The following CNTNAP2 variants were observed in gnomAD, a reference collection of about 807,000 sequenced individuals.
CNTNAP2 encodes the protein contactin-associated protein-like 2.
CNTNAP2 carries 98 observed loss-of-function variants against 155.2 expected under a neutral mutation model. That is an observed-to-expected ratio of 0.63 (90% CI 0.54 to 0.75). The LOEUF (loss-of-function observed/expected upper bound fraction) is 0.75, where lower values mean the gene tolerates loss of function less well. Among genes scored for constraint, CNTNAP2 ranks in the 30% least tolerant of loss-of-function variants. CNTNAP2 has a pLI of 0.00. For missense variants in CNTNAP2, 1,727 were observed against 1,688.1 expected, an observed-to-expected ratio of 1.02 and a Z score of -0.40; for synonymous variants, 651 against 631.2, an observed-to-expected ratio of 1.03 and a Z score of -0.47.
intron 12 of CNTNAP2, among the ~76,000 whole-genome samples, chr7:147,615,277 C>CAA (rs58247626): frequency 0.026 from 724 of 28,048 alleles, 72 homozygotes; most frequent in East Asian, 0.052. Context: ...GACCCTGTCT[C>CAA]AAAAAAAAAA....
intron 18 of CNTNAP2, among the ~76,000 whole-genome samples, chr7:148,187,109 T>TAC (rs142565546): frequency 0.048 from 2,362 of 49,290 alleles, 28 homozygotes; most frequent in South Asian, 0.12. Flanking sequence ...CAAGGAAACA[T>TAC]ACACACACAC....
intron 1 of CNTNAP2, among the ~76,000 whole-genome samples, chr7:146,254,802 G>A (rs1005151634): frequency 1.1e-4 from 16 of 152,062 alleles, no homozygotes; most frequent in African/African-American, 3.6e-4. Context: ...CTGAGTTTCA[G>A]TGATTTGTCT....
intron 1 of CNTNAP2, among the ~76,000 whole-genome samples, chr7:146,479,599 C>T (rs1428321951): frequency 1.3e-5 from 2 of 151,498 alleles, no homozygotes; most frequent in Non-Finnish European, 2.9e-5. Flanking sequence ...ATACAGTGAA[C>T]AATTAATTTA....
At chr7:147,711,371 A>G (rs1796398151) in intron 13 of CNTNAP2, among the ~76,000 whole-genome samples, 2 of 152,224 alleles carry the variant, frequency 1.3e-5, no homozygotes, top group South Asian at 4.1e-4. Context: ...ATACATGAGT[A>G]CAGATGGTTA....
intron 21 of CNTNAP2, among the ~76,000 whole-genome samples, chr7:148,353,255 G>A (rs1798459002): frequency 6.6e-6 from 1 of 152,182 alleles, no homozygotes; most frequent in Admixed American, 6.5e-5. Context: ...GGAGATAGAA[G>A]GAAACAAAAG....
intron 1 of CNTNAP2, among the ~76,000 whole-genome samples, chr7:146,140,730 C>T (rs1797864690): frequency 6.6e-6 from 1 of 152,064 alleles, no homozygotes. Flanking sequence ...CTCTACATCA[C>T]AAACAACCAT....
intron 1 of CNTNAP2, among the ~76,000 whole-genome samples, chr7:146,612,759 C>T (rs1799159453): frequency 1.3e-5 from 2 of 152,070 alleles, no homozygotes; most frequent in Admixed American, 1.3e-4. Context: ...GAGAAAAATA[C>T]TTAGGTATGT....
At chr7:147,091,839 C>T (rs1289276755) in intron 4 of CNTNAP2, among the ~76,000 whole-genome samples, 1 of 152,132 alleles carries the variant, frequency 6.6e-6, no homozygotes, top group East Asian at 1.9e-4. Context: ...ATCTCCTGAC[C>T]TCGTGATCCA....
chr7:146,747,218 C>T (rs1408523301), intron 1 of CNTNAP2, among the ~76,000 whole-genome samples: 1 of 152,150 alleles, frequency 6.6e-6, no homozygotes, highest in African/African-American at 2.4e-5. Flanking sequence ...TTTTCACATA[C>T]ATTATCTGAC....
At position 147,937,721 on chromosome 7, in the gene CNTNAP2, G is replaced by A. The variant is rs541094780; in HGVS notation, c.2255+34000G>A. Among the ~76,000 whole-genome samples the A allele has an allele frequency of 2.0e-5, 3 of 152,122 alleles. No individual in the cohort carries two copies. In the South Asian group the frequency reaches 6.2e-4, roughly 32 times the overall value. ...TCCTGCGTGTCACTCACAATTCCCT[G>A]GATGATACTAAAAAGCAATCTTTCT... On this transcript the variant is annotated intron_variant, in intron 14 of 23. Transcript: ENST00000361727.
At chr7:146,815,626 T>C (rs1024984466) in intron 2 of CNTNAP2, among the ~76,000 whole-genome samples, 7 of 152,210 alleles carry the variant, frequency 4.6e-5, no homozygotes, top group South Asian at 2.1e-4. Flanking sequence ...AGGAAACTTA[T>C]TGTATTCACA....
At chr7:146,892,608 G>A (rs1254631845) in intron 3 of CNTNAP2, among the ~76,000 whole-genome samples, 1 of 152,086 alleles carries the variant, frequency 6.6e-6, no homozygotes, top group Non-Finnish European at 1.5e-5. Flanking sequence ...TTGCCCTACA[G>A]GAAGCCAAGA....
intron 8 of CNTNAP2, among the ~76,000 whole-genome samples, chr7:147,260,044 T>C (rs1437340017): frequency 6.6e-6 from 1 of 152,186 alleles, no homozygotes; most frequent in Non-Finnish European, 1.5e-5. Flanking sequence ...CAAATGGTTT[T>C]GGAAAGTAAA....
chr7:146,348,292 G>A (rs190961637), intron 1 of CNTNAP2, among the ~76,000 whole-genome samples: 114 of 152,182 alleles, frequency 7.5e-4, no homozygotes, highest in African/African-American at 2.7e-3. Flanking sequence ...GGGCATGGTG[G>A]CAGGCACCAG....
At chr7:147,807,590 T>C (rs572423560) in intron 13 of CNTNAP2, among the ~76,000 whole-genome samples, 2 of 152,280 alleles carry the variant, frequency 1.3e-5, no homozygotes, top group Admixed American at 6.5e-5. Flanking sequence ...CATCCATCAA[T>C]CGAGTGCCTA....
intron 8 of CNTNAP2, among the ~76,000 whole-genome samples, chr7:147,271,007 C>T (rs1364882597): frequency 2.0e-5 from 3 of 151,460 alleles, no homozygotes; most frequent in African/African-American, 4.8e-5. Flanking sequence ...CCTGATTTTT[C>T]GGAAGTCAGC....
chr7:146,447,202 G>A (rs576445060), intron 1 of CNTNAP2, among the ~76,000 whole-genome samples: 9 of 152,148 alleles, frequency 5.9e-5, no homozygotes, highest in Admixed American at 2.0e-4. Context: ...GATTTTAAAT[G>A]CTGCTCTGTG....
chr7:147,785,697 A>C (rs1034184467), intron 13 of CNTNAP2, among the ~76,000 whole-genome samples: 39 of 152,240 alleles, frequency 2.6e-4, no homozygotes, highest in African/African-American at 8.7e-4. Flanking sequence ...ATTATTAAAA[A>C]CAATAAGCTA....
intron 1 of CNTNAP2, among the ~76,000 whole-genome samples, chr7:146,176,673 C>T (rs762772374): frequency 2.6e-5 from 4 of 151,928 alleles, no homozygotes; most frequent in South Asian, 2.1e-4. Context: ...TTTTAGCTGC[C>T]GGAGATTCAA....
Sources: allele counts gnomAD v4.1 joint callset (sites outside exome capture counted in the v4.1 genomes callset), GRCh38; gene constraint gnomAD v4.1.1; transcripts MANE v1.5; gene names NCBI Gene and HGNC (gene_info 2026-07-23, HGNC 2026-07-21).